AUTS2: variants seen among roughly 807,000 people sequenced by gnomAD.
AUTS2 encodes activator of transcription and developmental regulator AUTS2.
Under a neutral mutation model 112.4 loss-of-function variants are expected in AUTS2, and 17 were observed. That is an observed-to-expected ratio of 0.15 (90% CI 0.10 to 0.23). The LOEUF is 0.23. Among genes scored for constraint, AUTS2 ranks in the 10% least tolerant of loss-of-function variants. The pLI is 1.00. For missense variants in AUTS2, 1,510 were observed against 1,701.6 expected (o/e 0.89, Z 1.98); for synonymous variants, 751 against 702.7 (o/e 1.07, Z -1.09).
At chr7:69,956,246 C>T (rs1451358726) in intron 2 of AUTS2, among the ~76,000 whole-genome samples, 2 of 152,050 alleles carry the variant, frequency 1.3e-5, no homozygotes, top group Non-Finnish European at 2.9e-5. Context: ...GCTTTCAAAA[C>T]ATTTTTTGTC....
At chr7:69,717,065 G>A (rs1479531049) in intron 1 of AUTS2, among the ~76,000 whole-genome samples, 3 of 152,036 alleles carry the variant, frequency 2.0e-5, no homozygotes, top group Non-Finnish European at 2.9e-5. Flanking sequence ...AGGCAGGATC[G>A]ATTACATCCT....
chr7:69,766,064 T>C (rs147357315), intron 1 of AUTS2, among the ~76,000 whole-genome samples: 62 of 152,344 alleles, frequency 4.1e-4, no homozygotes, highest in African/African-American at 1.5e-3. Flanking sequence ...CTCTCCGTCT[T>C]GCAAAACTGA....
At chr7:70,786,127 A>G in intron 17 of AUTS2, 89 bp downstream of exon 17, 1 of 1,169,746 alleles carries the variant, frequency 8.5e-7, no homozygotes, top group East Asian at 2.4e-5. Flanking sequence ...GAGAAAAGGA[A>G]ACTATGCTCT....
intron 1 of AUTS2, among the ~76,000 whole-genome samples, chr7:69,850,293 T>C (rs1792410182): frequency 6.8e-6 from 1 of 146,556 alleles, no homozygotes; most frequent in African/African-American, 2.6e-5. Context: ...ACACTCTGTC[T>C]CAAAAAAACA....
chr7:69,923,991 A>G (rs1795912250), intron 2 of AUTS2, among the ~76,000 whole-genome samples: 1 of 152,170 alleles, frequency 6.6e-6, no homozygotes, highest in African/African-American at 2.4e-5. Context: ...GTTTAATAGA[A>G]GAGACAAGAC....
At chr7:70,550,428 C>CA (rs891130462) in intron 5 of AUTS2, among the ~76,000 whole-genome samples, 7 of 151,578 alleles carry the variant, frequency 4.6e-5, no homozygotes, top group East Asian at 1.9e-4. Flanking sequence ...GGGGGATTGC[C>CA]AAAAAAAATA....
intron 6 of AUTS2, among the ~76,000 whole-genome samples, chr7:70,731,859 T>C (rs962301786): frequency 1.3e-5 from 2 of 152,090 alleles, no homozygotes; most frequent in Non-Finnish European, 2.9e-5. Context: ...GAAGGTAAGA[T>C]ATATATCATA....
intron 10 of AUTS2, among the ~76,000 whole-genome samples, chr7:70,770,671 A>G (rs530379319): frequency 3.3e-5 from 5 of 152,250 alleles, no homozygotes; most frequent in Non-Finnish European, 7.4e-5. Flanking sequence ...TCATTCTTTT[A>G]CCATCATAGA....
intron 2 of AUTS2, among the ~76,000 whole-genome samples, chr7:70,117,120 TTTTTTTGTTTTTTTTTG>T (rs1805412227): frequency 8.1e-6 from 1 of 123,002 alleles, no homozygotes; most frequent in African/African-American, 3.4e-5. Context: ...TTTTTTTGTT[TTTTTTTGTTTTTTTTTG>T]TTTTTTTTTT....
intron 2 of AUTS2, among the ~76,000 whole-genome samples, chr7:70,007,541 G>T (rs748209624): frequency 6.6e-6 from 1 of 152,018 alleles, no homozygotes; most frequent in African/African-American, 2.4e-5. Flanking sequence ...AAAATTTATT[G>T]AACATTTATT....
At chr7:70,116,120 A>G (rs1333218681) in intron 2 of AUTS2, among the ~76,000 whole-genome samples, 1 of 152,214 alleles carries the variant, frequency 6.6e-6, no homozygotes, top group Non-Finnish European at 1.5e-5. Flanking sequence ...GCCTCATACA[A>G]CTTGCATCTG....
intron 4 of AUTS2, among the ~76,000 whole-genome samples, chr7:70,240,170 T>C (rs1812537962): frequency 6.6e-6 from 1 of 152,120 alleles, no homozygotes; most frequent in African/African-American, 2.4e-5. Flanking sequence ...GGTGGTAGGC[T>C]ATAGAAGGAG....
chr7:69,885,534 G>C (rs1489262026), intron 1 of AUTS2, among the ~76,000 whole-genome samples: 1 of 152,190 alleles, frequency 6.6e-6, no homozygotes, highest in East Asian at 1.9e-4. Context: ...ATACTAAACT[G>C]TAATTTAAAA....
At chr7:70,620,684 C>T (rs2129536574) in intron 5 of AUTS2, among the ~76,000 whole-genome samples, 1 of 152,228 alleles carries the variant, frequency 6.6e-6, no homozygotes, top group African/African-American at 2.4e-5. Flanking sequence ...TTCATTTAGG[C>T]CCGAGGCAGA....
chr7:69,911,919 G>T (rs981838205), intron 2 of AUTS2, among the ~76,000 whole-genome samples: 1 of 152,064 alleles, frequency 6.6e-6, no homozygotes, highest in South Asian at 2.1e-4. Context: ...AATTTCACTG[G>T]GGACCTGTCC....
chr7:70,632,988 C>CT, intron 5 of AUTS2, among the ~76,000 whole-genome samples: 1 of 149,822 alleles, frequency 6.7e-6, no homozygotes, highest in Admixed American at 6.6e-5. Flanking sequence ...AGCCCTCTAC[C>CT]TTGGGGGGAA....
Position 70,450,380 on chromosome 7 carries a change from A to G in AUTS2, c.690+14599A>G, listed in dbSNP as rs115488890. ...CTGTAAGGGAGGAAGCAATTGAGTT[A>G]GATCTTGCTGCAGCACATGGAATAG... On this transcript the variant is annotated intron_variant, in intron 5 of 18. Transcript: ENST00000342771. Among the ~76,000 whole-genome samples, 1,162 of 152,364 alleles carry G rather than the reference A, an allele frequency of 7.6e-3. 16 individuals carry two copies. The highest frequency in any genetic ancestry group is 0.027 in the African/African-American group (1,104 of 41,586).
At chr7:70,349,339 TTAAAG>T (rs1425020315) in intron 4 of AUTS2, among the ~76,000 whole-genome samples, 3 of 135,772 alleles carry the variant, frequency 2.2e-5, no homozygotes, top group Non-Finnish European at 3.1e-5. Context: ...TTATAAGTGA[TTAAAG>T]TAAAACCAGG....
At chr7:69,857,611 T>C (rs1339782717) in intron 1 of AUTS2, among the ~76,000 whole-genome samples, 1 of 152,218 alleles carries the variant, frequency 6.6e-6, no homozygotes, top group Non-Finnish European at 1.5e-5. Flanking sequence ...GGTTCATTTA[T>C]TATACAGAAG....
Sources: allele counts gnomAD v4.1 joint callset (sites outside exome capture counted in the v4.1 genomes callset), GRCh38; gene constraint gnomAD v4.1.1; transcripts MANE v1.5; gene names NCBI Gene and HGNC (gene_info 2026-07-23, HGNC 2026-07-21).